The following IMMP2L variants were observed in gnomAD, a reference collection of about 807,000 sequenced individuals.
IMMP2L encodes inner mitochondrial membrane peptidase subunit 2, also known as mitochondrial inner membrane protease subunit 2.
IMMP2L carries 18 observed loss-of-function variants against 19.3 expected under a neutral mutation model. The ratio of observed to expected loss-of-function variants is 0.93; its 90% CI spans 0.64 to 1.38. The LOEUF (loss-of-function observed/expected upper bound fraction) is 1.38. Among genes scored for constraint, IMMP2L ranks in the 40% most tolerant of loss-of-function variants. IMMP2L has a pLI of 0.00. For missense variants in IMMP2L, 233 were observed against 218.2 expected, an observed-to-expected ratio of 1.07 and a Z score of -0.43; for synonymous variants, 76 against 73.0, an observed-to-expected ratio of 1.04 and a Z score of -0.21.
intron 3 of IMMP2L, among the ~76,000 whole-genome samples, chr7:111,315,182 T>C (rs1033136151): frequency 3.3e-5 from 5 of 152,034 alleles, no homozygotes; most frequent in Admixed American, 3.3e-4. Flanking sequence ...CCAGGAAAAA[T>C]ATCCTCTTTA....
intron 3 of IMMP2L, among the ~76,000 whole-genome samples, chr7:111,397,489 G>A (rs1832994143): frequency 6.6e-6 from 1 of 152,068 alleles, no homozygotes; most frequent in Non-Finnish European, 1.5e-5. Flanking sequence ...ACCAAGTAAA[G>A]ACATGTAAAT....
chr7:111,425,154 CACTT>C (rs1563175959), intron 3 of IMMP2L, among the ~76,000 whole-genome samples: 1 of 151,690 alleles, frequency 6.6e-6, no homozygotes, highest in Non-Finnish European at 1.5e-5. Context: ...TTCACATAAA[CACTT>C]ACATACTTCG....
intron 3 of IMMP2L, among the ~76,000 whole-genome samples, chr7:111,146,666 G>GC (rs1186461309): frequency 6.6e-6 from 1 of 151,986 alleles, no homozygotes; most frequent in Admixed American, 6.6e-5. Context: ...TCTGCTCTAT[G>GC]CCCCGGGTCA....
At chr7:111,339,212 T>C (rs1826766321) in intron 3 of IMMP2L, among the ~76,000 whole-genome samples, 1 of 151,976 alleles carries the variant, frequency 6.6e-6, no homozygotes, top group African/African-American at 2.4e-5. Flanking sequence ...CTTGAGACTA[T>C]TCATCAGAAA....
At chr7:111,159,728 T>C (rs1805044854) in intron 3 of IMMP2L, among the ~76,000 whole-genome samples, 1 of 152,126 alleles carries the variant, frequency 6.6e-6, no homozygotes, top group African/African-American at 2.4e-5. Context: ...AGGTGAGTCA[T>C]ATATGTAATA....
intron 3 of IMMP2L, among the ~76,000 whole-genome samples, chr7:111,396,099 A>G (rs994379356): frequency 1.3e-5 from 2 of 152,276 alleles, no homozygotes; most frequent in Middle Eastern, 3.4e-3. Flanking sequence ...CTAGAACTAG[A>G]AATACCATTT....
chr7:110,924,942 C>G lies in IMMP2L; in HGVS notation c.306-38247G>C, dbSNP rs2129550933. On this transcript the variant is annotated intron_variant, in intron 4 of 5. Transcript: ENST00000405709. The surrounding 1 kb of genome is among the most constrained non-coding windows in gnomAD (Gnocchi z 4.2). ...GTTAAGAGAAAGATAACAAAAGGAG[C>G]TATTAAAAACTTTCAACTACATCTA... 6.6e-6 allele frequency among the ~76,000 whole-genome samples: 1 copy of G among 152,176 alleles called. No individual in the cohort carries two copies. Among genetic ancestry groups the G allele is most frequent in the South Asian group, 2.1e-4 (1 of 4,818 alleles).
chr7:110,868,942 A>G (rs1808278046), intron 5 of IMMP2L, among the ~76,000 whole-genome samples: 1 of 152,044 alleles, frequency 6.6e-6, no homozygotes, highest in Non-Finnish European at 1.5e-5. Flanking sequence ...CAAAAAAAAA[A>G]GAGGGAGACT....
intron 2 of IMMP2L, among the ~76,000 whole-genome samples, chr7:111,506,556 C>T (rs554854723): frequency 6.6e-6 from 1 of 152,104 alleles, no homozygotes; most frequent in African/African-American, 2.4e-5. Context: ...TGCCACCACA[C>T]CAGGCTAGTT....
intron 4 of IMMP2L, among the ~76,000 whole-genome samples, chr7:110,935,453 G>T (rs1198718085): frequency 6.6e-6 from 1 of 151,954 alleles, no homozygotes; most frequent in Non-Finnish European, 1.5e-5. Context: ...TTCAATTTTG[G>T]TGAATCTGAC....
At chr7:111,478,944 G>A (rs1841952531) in intron 3 of IMMP2L, among the ~76,000 whole-genome samples, 1 of 152,152 alleles carries the variant, frequency 6.6e-6, no homozygotes, top group Non-Finnish European at 1.5e-5. Flanking sequence ...TTGAAGTAAA[G>A]GCAGACCACC....
intron 1 of IMMP2L, among the ~76,000 whole-genome samples, chr7:111,548,683 T>A (rs1013833953): frequency 1.3e-5 from 2 of 152,092 alleles, no homozygotes; most frequent in Non-Finnish European, 2.9e-5. Context: ...TCACTTACCA[T>A]TTTTCTCTAA....
intron 5 of IMMP2L, among the ~76,000 whole-genome samples, chr7:110,809,348 A>T (rs1457325489): frequency 6.6e-6 from 1 of 152,032 alleles, no homozygotes; most frequent in African/African-American, 2.4e-5. Context: ...TGTCATGCCT[A>T]TCAACATATA....
At chr7:111,167,616 G>T (rs192398961) in intron 3 of IMMP2L, among the ~76,000 whole-genome samples, 1 of 151,798 alleles carries the variant, frequency 6.6e-6, no homozygotes, top group Admixed American at 6.6e-5. Context: ...GTGTATTGAC[G>T]AACATGCTTC....
At position 110,757,304 on chromosome 7, in the gene IMMP2L, C is replaced by A. The variant is rs1458124768; in HGVS notation, c.409-93583G>T. ...GTATTTGGTTTAATACTCACCATCA[C>A]CATCTAGAGCTTAATAATTTTTTAA... On this transcript the variant is annotated intron_variant, in intron 5 of 5. Transcript: ENST00000405709. The surrounding 1 kb of genome is among the most constrained non-coding windows in gnomAD (Gnocchi z 4.2). Among the ~76,000 whole-genome samples the A allele has an allele frequency of 1.0e-5, 1 of 98,122 alleles. No individual in the cohort carries two copies. Among genetic ancestry groups the A allele is most frequent in the Non-Finnish European group, 2.2e-5 (1 of 45,694 alleles). 64.4% of individuals were successfully genotyped at this position (98,122 alleles called of 152,430 possible).
chr7:111,432,855 G>A (rs1169252091), intron 3 of IMMP2L, among the ~76,000 whole-genome samples: 1 of 150,918 alleles, frequency 6.6e-6, no homozygotes, highest in Non-Finnish European at 1.5e-5. Context: ...TAAAGTTTCA[G>A]GATACAAAAT....
chr7:111,136,634 G>A (rs1252092251), intron 3 of IMMP2L, among the ~76,000 whole-genome samples: 1 of 152,106 alleles, frequency 6.6e-6, no homozygotes, highest in African/African-American at 2.4e-5. Context: ...CAGTCCTCCA[G>A]GTGTGCTAAT....
chr7:111,418,385 C>A (rs1835148812), intron 3 of IMMP2L, among the ~76,000 whole-genome samples: 1 of 151,768 alleles, frequency 6.6e-6, no homozygotes, highest in Non-Finnish European at 1.5e-5. Context: ...GTATTCCTTT[C>A]TTCATCCTAG....
chr7:110,926,967 AT>A (rs1475452781), intron 4 of IMMP2L, among the ~76,000 whole-genome samples: 1 of 152,174 alleles, frequency 6.6e-6, no homozygotes, highest in Non-Finnish European at 1.5e-5. Context: ...CTCTTTCAAT[AT>A]AATTCCTTGC....
Sources: allele counts gnomAD v4.1 joint callset (sites outside exome capture counted in the v4.1 genomes callset), GRCh38; gene constraint gnomAD v4.1.1; non-coding constraint Gnocchi (gnomAD v3.1); transcripts MANE v1.5; gene names NCBI Gene and HGNC (gene_info 2026-07-23, HGNC 2026-07-21).